Variants in TMEM219 observed in about 807,000 individuals in gnomAD.
TMEM219 encodes the protein insulin-like growth factor-binding protein 3 receptor.
A neutral mutation model predicts 17.9 loss-of-function variants in TMEM219; 18 were observed. That is an observed-to-expected ratio of 1.01 (90% CI 0.70 to 1.49). The LOEUF is 1.49. TMEM219 is among the 40% of genes most tolerant of loss of function. TMEM219 has a pLI of 0.00. For synonymous variants in TMEM219, 113 were observed against 124.0 expected, an observed-to-expected ratio of 0.91 and a Z score of 0.59; for missense variants, 288 against 292.4, an observed-to-expected ratio of 0.99 and a Z score of 0.11.
At chr16:29,963,755 C>T (rs1596575630) in intron 3 of TMEM219, among the ~76,000 whole-genome samples, 166 bp downstream of exon 3, 3 of 150,570 alleles carry the variant, frequency 2.0e-5, no homozygotes, top group Admixed American at 1.3e-4. Context: ...TGGTGGCAGG[C>T]GCCTCTAATC....
chr16:29,969,319 C>G (rs1317631392), intron 4 of TMEM219, among the ~76,000 whole-genome samples: 1 of 150,506 alleles, frequency 6.6e-6, no homozygotes, highest in Non-Finnish European at 1.5e-5. Context: ...GCCTCAGGCT[C>G]CCGAGTAGCT....
Position 29,968,081 on chromosome 16 carries a change from G to A in TMEM219, c.412G>A (p.Ala138Thr), listed in dbSNP as rs772480029. 3.7e-6 allele frequency: 6 copies of A among 1,614,210 alleles called. No homozygotes were observed. In the South Asian group the frequency reaches 4.4e-5, roughly 12 times the overall value. Residue 138 changes from alanine (A) to threonine (T), a missense_variant, in exon 4 of 6, where the codon GCA (alanine) becomes ACA (threonine). By Grantham distance (58) the Ala-to-Thr change is moderately conservative. Transcript: ENST00000279396. Reference protein sequence around the residue: ...ITARVTTERTAGTCLYFSAVP... With the variant: ...ITARVTTERTTGTCLYFSAVP... The stretch of plus-strand genomic sequence containing the variant: ...AGCCAGGGTGACCACAGAAAGGACT[G>A]CAGGAACCTGCCTATATTTTAGTGC...
At chr16:29,962,838 C>T (rs943177004) in intron 1 of TMEM219, 14 of 387,492 alleles carry the variant, frequency 3.6e-5, no homozygotes, top group African/African-American at 2.6e-4. Flanking sequence ...CTTCCTGTTT[C>T]TCCAGCTGAG....
chr16:29,972,357 C>T (rs1283663075), intron 5 of TMEM219, among the ~76,000 whole-genome samples: 2 of 152,188 alleles, frequency 1.3e-5, no homozygotes, highest in Admixed American at 6.5e-5. Context: ...ATTTAGTCAT[C>T]GTTACCTTTA....
chr16:29,969,012 G>T (rs371760245), intron 4 of TMEM219, among the ~76,000 whole-genome samples: 1 of 152,032 alleles, frequency 6.6e-6, no homozygotes, highest in African/African-American at 2.4e-5. Flanking sequence ...GTTCAGGAGA[G>T]GGGGAGGTAC....
rs755144294 is a variant in TMEM219, at chr16:29,963,288, C to T, written c.145C>T (p.Arg49Cys). ...CCTCCTCACCCACAGGACTGGCCTG[C>T]GCAGCCCTGACATCCCCCAGGTAAG... ...SFLLTHRTGL[R>C]SPDIPQDWVS... is the part of the protein sequence containing the mutation. Residue 49 changes from arginine to cysteine, a missense_variant, in exon 2 of 6, where the codon CGC becomes TGC. By Grantham distance (180) the Arg-to-Cys change is radical. Coordinates refer to ENST00000279396, the MANE Select transcript of TMEM219 (RefSeq NM_001083613.2). 1.9e-5 allele frequency: 30 copies of T among 1,614,044 alleles called. No individual in the cohort carries two copies. In the South Asian group the frequency reaches 2.2e-4, roughly 12 times the overall value.
Position 29,964,443 on chromosome 16 carries a change from A to G in TMEM219, c.355+854A>G, listed in dbSNP as rs149809481. Among the ~76,000 whole-genome samples the G allele has an allele frequency of 3.9e-5, 6 of 152,108 alleles. No individual in the cohort carries two copies. The East Asian group carries it at 1.2e-3, about 29-fold the overall frequency. ...GGTTGCAGTGAGCCAAGATCGTGCC[A>G]CTGTACTCCAGCCTGGGAGACAGAG... On this transcript the variant is annotated intron_variant, in intron 3 of 5. Coordinates refer to ENST00000279396, the MANE Select transcript of TMEM219 (RefSeq NM_001083613.2).
rs372393686 is a variant in TMEM219, at chr16:29,968,156, G to A, written c.487G>A (p.Glu163Lys). Residue 163 changes from glutamate to lysine, a missense_variant, in exon 4 of 6, where the codon GAG (glutamate) becomes AAG (lysine). Coordinates refer to ENST00000279396, the MANE Select transcript of TMEM219 (RefSeq NM_001083613.2). ...SSQPPISCSEEGAGNATLSPR... is the reference protein window; with the variant it reads ...SSQPPISCSEKGAGNATLSPR... ...CCAGCCACCCATATCCTGCTCAGAG[G>A]AGGGGGCTGGAAATGCCACCCTGAG... 7 of 1,614,042 alleles carry A rather than the reference G, an allele frequency of 4.3e-6. No homozygotes were observed. Among genetic ancestry groups the A allele is most frequent in the South Asian group, 2.2e-5 (2 of 91,096 alleles).
chr16:29,971,536 C>T lies in TMEM219; in HGVS notation c.714C>T (p.Thr238=), dbSNP rs753079756. 1.9e-6 allele frequency: 3 copies of T among 1,613,226 alleles called. No homozygotes were observed. The South Asian group carries it at 3.3e-5, about 18-fold the overall frequency. ...HPRRESHWSR[T]RL ...GCCGGGAGTCCCACTGGTCTAGAAC[C>T]CGGCTCTGAGGGCACTGGCCTAGTT... Residue 238 remains threonine (T), a synonymous_variant, in exon 5 of 6, where the codon ACC becomes ACT. Coordinates refer to ENST00000279396, the MANE Select transcript of TMEM219 (RefSeq NM_001083613.2).
intron 4 of TMEM219, among the ~76,000 whole-genome samples, chr16:29,968,746 A>T (rs2069245789): frequency 6.6e-6 from 1 of 152,216 alleles, no homozygotes; most frequent in African/African-American, 2.4e-5. Flanking sequence ...ACCAGAGAGC[A>T]TTGTGCACAG....
chr16:29,962,936 A>C (rs1412911927), intron 1 of TMEM219, 171 bp from the exon 2 acceptor site: 14 of 635,292 alleles, frequency 2.2e-5, no homozygotes, highest in Non-Finnish European at 3.9e-5. Context: ...TGCAGCAAAT[A>C]TTTATCCAGC....
At chr16:29,967,864 T>C (rs902557644) in intron 3 of TMEM219, among the ~76,000 whole-genome samples, 161 bp from the exon 4 acceptor site, 1 of 151,742 alleles carries the variant, frequency 6.6e-6, no homozygotes, top group African/African-American at 2.4e-5. Flanking sequence ...GAGGCGGAGC[T>C]TGCAGTGAGC....
chr16:29,967,916 G>A (rs564847522), intron 3 of TMEM219, 109 bp from the exon 4 acceptor site: 44 of 847,298 alleles, frequency 5.2e-5, no homozygotes, highest in Non-Finnish European at 7.8e-5. Context: ...GATAGAGCGA[G>A]ACTCCGCCTC....
rs377582696 is a variant in TMEM219 at position 29,971,966 on chromosome 16, C to T, written c.*33+388C>T. On this transcript the variant is annotated intron_variant, in intron 5 of 5. Coordinates refer to ENST00000279396, the MANE Select transcript of TMEM219 (RefSeq NM_001083613.2). ...CTCTCTCTCCCTAGAAATTACTGTCCTGCTTTATAATGTATTGCCATGTAT... is the reference window on the plus strand; with the variant it reads ...CTCTCTCTCCCTAGAAATTACTGTCTTGCTTTATAATGTATTGCCATGTAT... 5.5e-5 allele frequency: 9 copies of T among 163,716 alleles called. 1 individual carries two copies. The South Asian group carries it at 1.4e-3, about 25-fold the overall frequency. The allele number at this position is 163,716 out of a possible 1,614,324, so 10.1% of individuals were successfully genotyped here.
rs2069166356 is a variant in TMEM219 at position 29,963,117 on chromosome 16, CCGG to C, written c.-26_-24del. On this transcript the variant is annotated 5_prime_UTR_variant, in exon 2 of 6. Coordinates refer to ENST00000279396, the MANE Select transcript of TMEM219 (RefSeq NM_001083613.2). ...CTCCCTGTCTTCCAGCAGGCTCTCC[CCGG>C]AGGCTCAGCCCCCTCTGCTCCCCAT... The C allele has an allele frequency of 6.2e-7, 1 of 1,606,164 alleles. No homozygotes were observed. The highest frequency in any genetic ancestry group is 8.5e-7 in the Non-Finnish European group (1 of 1,179,036).
chr16:29,963,919 A>G (rs2150860302), intron 3 of TMEM219, among the ~76,000 whole-genome samples: 1 of 147,994 alleles, frequency 6.8e-6, no homozygotes, highest in East Asian at 2.0e-4. Context: ...GCGGTGGCTC[A>G]TGCCTGTAAT....
At chr16:29,966,501 G>T (rs562621494) in intron 3 of TMEM219, among the ~76,000 whole-genome samples, 2 of 152,052 alleles carry the variant, frequency 1.3e-5, no homozygotes, top group South Asian at 2.1e-4. Context: ...TTCATAGGAA[G>T]CCCTTCCTCA....
At chr16:29,965,397 C>A (rs957824933) in intron 3 of TMEM219, among the ~76,000 whole-genome samples, 1 of 151,970 alleles carries the variant, frequency 6.6e-6, no homozygotes, top group Non-Finnish European at 1.5e-5. Flanking sequence ...AGATATGATT[C>A]ATGTACCATA....
intron 5 of TMEM219, 34 bp downstream of exon 5, chr16:29,971,612 G>T: frequency 3.3e-6 from 5 of 1,537,580 alleles, no homozygotes; most frequent in East Asian, 4.6e-5. Flanking sequence ...GCGGGAGCAG[G>T]GAATGGGGTG....
Sources: allele counts gnomAD v4.1 joint callset (sites outside exome capture counted in the v4.1 genomes callset), GRCh38; gene constraint gnomAD v4.1.1; transcripts MANE v1.5; gene names NCBI Gene and HGNC (gene_info 2026-07-23, HGNC 2026-07-21).